STARD8: variants seen among roughly 807,000 people sequenced by gnomAD.
STARD8 encodes stAR-related lipid transfer protein 8.
A neutral mutation model predicts 69.4 loss-of-function variants in STARD8; 25 were observed. The observed-to-expected ratio is 0.36, with a 90% CI of 0.26 to 0.50. The LOEUF is 0.50. Among genes scored for constraint, STARD8 ranks in the 20% least tolerant of loss-of-function variants. The probability of loss-of-function intolerance (pLI) is 0.96; values close to 1 mark genes in which losing one functional copy is unlikely to be tolerated. For missense variants in STARD8, 921 were observed against 932.5 expected, an observed-to-expected ratio of 0.99 and a Z score of 0.16; for synonymous variants, 389 against 374.6, an observed-to-expected ratio of 1.04 and a Z score of -0.45.
chrX:68,706,206 G>A, intron 2 of STARD8, among the ~76,000 whole-genome samples: 1 of 112,121 alleles, frequency 8.9e-6, no homozygotes, highest in East Asian at 2.8e-4. Flanking sequence ...GGCCAGCCAG[G>A]GTCCAGCACT....
chrX:68,693,036 G>C (rs1170579707), intron 2 of STARD8, among the ~76,000 whole-genome samples: 1 of 112,881 alleles, frequency 8.9e-6, no homozygotes, highest in Non-Finnish European at 1.9e-5. Context: ...CTTTCTGGTG[G>C]TGCTTACTAT....
At chrX:68,683,477 CCTAT>C (rs1341611244) in intron 2 of STARD8, among the ~76,000 whole-genome samples, 9 of 112,044 alleles carry the variant, frequency 8.0e-5, no homozygotes, top group Middle Eastern at 9.4e-3. Flanking sequence ...TGACTAAGGG[CCTAT>C]CTTTTACTGA....
chrX:68,679,249 CAA>C (rs1237793673), intron 2 of STARD8, among the ~76,000 whole-genome samples: 1 of 111,157 alleles, frequency 9.0e-6, no homozygotes, highest in Admixed American at 9.6e-5. Context: ...TAAAACAAAA[CAA>C]ATAAAAACAG....
chrX:68,674,589 C>T (rs2079752186), intron 2 of STARD8, among the ~76,000 whole-genome samples: 1 of 110,920 alleles, frequency 9.0e-6, no homozygotes, highest in Non-Finnish European at 1.9e-5. Flanking sequence ...TTCATGCATC[C>T]ATCCATCCAT....
intron 1 of STARD8, among the ~76,000 whole-genome samples, chrX:68,662,130 C>T (rs1164126779): frequency 9.1e-6 from 1 of 110,076 alleles, no homozygotes; most frequent in Non-Finnish European, 1.9e-5. Flanking sequence ...GCCTCAGCCT[C>T]CTGAGTAGCT....
intron 1 of STARD8, among the ~76,000 whole-genome samples, chrX:68,649,177 G>T (rs1211883266): frequency 9.0e-6 from 1 of 111,611 alleles, no homozygotes; most frequent in Non-Finnish European, 1.9e-5. Flanking sequence ...TTCACAGGAG[G>T]TCACATTTGG....
chrX:68,673,450 T>C (rs893300493), intron 2 of STARD8, among the ~76,000 whole-genome samples: 1 of 111,909 alleles, frequency 8.9e-6, no homozygotes, highest in African/African-American at 3.3e-5. Flanking sequence ...GCCTGGCTTT[T>C]TCCTCCCTCA....
chrX:68,713,290 A>G (rs16990710), intron 3 of STARD8, among the ~76,000 whole-genome samples: 10,911 of 112,402 alleles, frequency 0.097, 1,295 homozygotes, highest in African/African-American at 0.34. Context: ...CACGGTGTGA[A>G]GAATGCCGCC....
At chrX:68,716,294 C>A in intron 4 of STARD8, 74 bp from the exon 5 acceptor site, 2 of 990,578 alleles carry the variant, frequency 2.0e-6, no homozygotes, top group African/African-American at 1.9e-5. Context: ...TGTGAAGTGG[C>A]AGGTGCATCT....
chrX:68,703,197 C>G (rs2079979238), intron 2 of STARD8, among the ~76,000 whole-genome samples: 1 of 112,054 alleles, frequency 8.9e-6, no homozygotes, highest in Non-Finnish European at 1.9e-5. Context: ...GAGGTCGAGG[C>G]TGCAGTGAGC....
chrX:68,685,736 A>G, intron 2 of STARD8, among the ~76,000 whole-genome samples: 1 of 112,801 alleles, frequency 8.9e-6, no homozygotes, highest in Middle Eastern at 4.6e-3. Flanking sequence ...TCCATCTGTA[A>G]CATAAGGGAG....
intron 1 of STARD8, among the ~76,000 whole-genome samples, chrX:68,661,962 C>CTT (rs1556020250): frequency 3.9e-5 from 3 of 76,843 alleles, no homozygotes; most frequent in African/African-American, 2.3e-4. Flanking sequence ...CTCTCTCTCT[C>CTT]TCTCTCTCTC....
Position 68,675,024 on chromosome X carries a change from T to C in STARD8, c.79+9492T>C, listed in dbSNP as rs1334909856. On this transcript the variant is annotated intron_variant, in intron 2 of 14. Transcript: ENST00000374599. ...CAGGCTGGAGTGCAATGATGAGATCTCGGCTCACTGCAACCTCCGCCTCCC... is the reference window on the plus strand; with the variant it reads ...CAGGCTGGAGTGCAATGATGAGATCCCGGCTCACTGCAACCTCCGCCTCCC... Among the ~76,000 whole-genome samples the C allele has an allele frequency of 2.8e-5, 3 of 106,571 alleles. No homozygotes were observed. In the East Asian group the frequency reaches 8.9e-4, roughly 32 times the overall value. 92.5% of individuals were successfully genotyped at this position (106,571 alleles called of 115,157 possible).
At chrX:68,661,427 T>C (rs1437428291) in intron 1 of STARD8, among the ~76,000 whole-genome samples, 3 of 112,111 alleles carry the variant, frequency 2.7e-5, no homozygotes, top group African/African-American at 9.7e-5. Context: ...GATCTGCCTT[T>C]TATTTTTGCC....
intron 2 of STARD8, among the ~76,000 whole-genome samples, chrX:68,677,630 A>G (rs950047342): frequency 2.7e-5 from 3 of 111,516 alleles, no homozygotes; most frequent in Non-Finnish European, 5.6e-5. Flanking sequence ...AGCCAAACCC[A>G]GCTGAGAGGA....
chrX:68,717,621 C>T lies in STARD8; in HGVS notation c.707C>T (p.Ser236Leu), dbSNP rs1199822215. The T allele has an allele frequency of 5.8e-6, 7 of 1,212,115 alleles. No individual in the cohort carries two copies. Among genetic ancestry groups the T allele is most frequent in the South Asian group, 1.8e-5 (1 of 56,995 alleles). The change falls in exon 6 of 15, where the codon TCA (serine) becomes TTA (leucine). Residue 236 changes from serine to leucine, a missense_variant. Coordinates refer to ENST00000374599, the MANE Select transcript of STARD8 (RefSeq NM_001142503.3). ...GAGCCCAAGCATAGTCCAGCCACCT[C>T]AGAGAAGGTCTCCAAAGCCTCATCT... Reference protein sequence around the residue: ...QAEPKHSPATSEKVSKASSFR... With the variant: ...QAEPKHSPATLEKVSKASSFR...
chrX:68,706,346 G>C (rs890467188), intron 2 of STARD8, among the ~76,000 whole-genome samples: 1 of 112,133 alleles, frequency 8.9e-6, no homozygotes, highest in Non-Finnish European at 1.9e-5. Context: ...TAAGAATCAA[G>C]TTAGAGTTGT....
At chrX:68,719,183 G>A (rs758482911) in intron 6 of STARD8, 42 bp from the exon 7 acceptor site, 48 of 1,124,004 alleles carry the variant, frequency 4.3e-5, no homozygotes, top group East Asian at 2.2e-4. Flanking sequence ...AGCCAAACCT[G>A]CTCCTCTGGG....
intron 1 of STARD8, among the ~76,000 whole-genome samples, chrX:68,653,606 A>T (rs1426756023): frequency 1.3e-5 from 1 of 75,399 alleles, no homozygotes; most frequent in African/African-American, 5.4e-5. Context: ...AAGCACACAC[A>T]CCCCACCACA....
Sources: allele counts gnomAD v4.1 joint callset (sites outside exome capture counted in the v4.1 genomes callset), GRCh38; gene constraint gnomAD v4.1.1; transcripts MANE v1.5; gene names NCBI Gene and HGNC (gene_info 2026-07-23, HGNC 2026-07-21).